SHISA9: variants seen among roughly 807,000 people sequenced by gnomAD.
The protein encoded by SHISA9 is shisa family member 9.
Under a neutral mutation model 38.0 loss-of-function variants are expected in SHISA9, and 13 were observed. The observed-to-expected ratio is 0.34, with a 90% confidence interval of 0.22 to 0.54. The LOEUF is 0.54. Ranked by LOEUF, SHISA9 falls within the 20% of genes least tolerant of loss-of-function variation. SHISA9 has a pLI of 0.91. For synonymous variants in SHISA9, 275 were observed against 242.0 expected, an observed-to-expected ratio of 1.14 and a Z score of -1.27; for missense variants, 538 against 575.8, an observed-to-expected ratio of 0.93 and a Z score of 0.67.
chr16:13,388,263 T>C, the SHISA9 span, among the ~76,000 whole-genome samples: 1 of 151,460 alleles, frequency 6.6e-6, no homozygotes, highest in African/African-American at 2.4e-5. Flanking sequence ...TCTAGCAAAC[T>C]CTCAGAAGGG....
At chr16:13,046,049 A>G (rs1341480973) in intron 2 of SHISA9, among the ~76,000 whole-genome samples, 1 of 152,336 alleles carries the variant, frequency 6.6e-6, no homozygotes, top group Non-Finnish European at 1.5e-5. Context: ...ATGCAATAGC[A>G]TATTAATCAG....
the SHISA9 span, among the ~76,000 whole-genome samples, chr16:13,420,258 A>AAAAAAAAAG: frequency 1.3e-5 from 2 of 149,908 alleles, no homozygotes; most frequent in Non-Finnish European, 3.0e-5. Flanking sequence ...AAAAAAAAAA[A>AAAAAAAAAG]AAAAAAAAAA....
intron 2 of SHISA9, among the ~76,000 whole-genome samples, chr16:12,944,526 G>A (rs2071664401): frequency 6.6e-6 from 1 of 152,100 alleles, no homozygotes; most frequent in South Asian, 2.1e-4. Flanking sequence ...AAAGTCACTG[G>A]TGAATCTTGA....
Position 13,152,144 on chromosome 16 carries a change from A to C in SHISA9, c.692-51250A>C, listed in dbSNP as rs183141560. On this transcript the variant is annotated intron_variant, in intron 2 of 4. Transcript: ENST00000558583. Reference sequence around the variant, plus strand: ...AAATAAATAAAAGGGGCTAGTTCCAACAATGGAACTATAAAAATACCCAGA... The same window carrying C: ...AAATAAATAAAAGGGGCTAGTTCCACCAATGGAACTATAAAAATACCCAGA... 2.6e-5 allele frequency among the ~76,000 whole-genome samples: 4 copies of C among 152,360 alleles called. No homozygotes were observed. In the East Asian group the frequency reaches 7.7e-4, roughly 29 times the overall value.
intron 2 of SHISA9, among the ~76,000 whole-genome samples, chr16:13,033,738 T>G (rs1483297239): frequency 6.6e-6 from 1 of 152,172 alleles, no homozygotes; most frequent in Non-Finnish European, 1.5e-5. Context: ...ACCCAGTAGA[T>G]GTCCATGATA....
chr16:13,118,737 T>TTC (rs2074056369), intron 2 of SHISA9, among the ~76,000 whole-genome samples: 1 of 149,744 alleles, frequency 6.7e-6, no homozygotes, highest in East Asian at 1.9e-4. Context: ...TTTCTTTTTT[T>TTC]TTTTTTTTTG....
At chr16:13,111,419 C>T (rs2073977119) in intron 2 of SHISA9, among the ~76,000 whole-genome samples, 2 of 151,650 alleles carry the variant, frequency 1.3e-5, no homozygotes, top group African/African-American at 4.8e-5. Flanking sequence ...GGCAGACTCC[C>T]TGAGTTCAAA....
chr16:13,071,141 A>G (rs914212239), intron 2 of SHISA9, among the ~76,000 whole-genome samples: 4 of 150,964 alleles, frequency 2.6e-5, no homozygotes, highest in African/African-American at 9.9e-5. Context: ...ATTTAATGAC[A>G]GAGAACCGTG....
At chr16:12,919,058 T>C (rs761514037) in intron 2 of SHISA9, among the ~76,000 whole-genome samples, 3 of 152,156 alleles carry the variant, frequency 2.0e-5, no homozygotes, top group Non-Finnish European at 2.9e-5. Flanking sequence ...CAGAAAAACA[T>C]TTGTATGTTC....
At chr16:13,538,448 T>G in the SHISA9 span, among the ~76,000 whole-genome samples, 1 of 152,184 alleles carries the variant, frequency 6.6e-6, no homozygotes, top group African/African-American at 2.4e-5. Context: ...AAATCACATC[T>G]TAGAGCTTGT....
At chr16:13,234,942 A>C in intron 4 of SHISA9, 88 bp from the exon 5 acceptor site, 2 of 1,428,136 alleles carry the variant, frequency 1.4e-6, no homozygotes, top group Non-Finnish European at 1.9e-6. Context: ...TCTTGGGTTG[A>C]CATGCCAGTC....
In SHISA9 at chr16:13,235,585, G is replaced by A. The variant is rs150971012; in HGVS notation, c.*176G>A. ...GTCGCGCTTTTCCTAGGTCATGCCT[G>A]TAACGTGTCGGCGGGCAGCTGAGAA... On this transcript the variant is annotated 3_prime_UTR_variant, in exon 5 of 5. Coordinates refer to ENST00000558583, the MANE Select transcript of SHISA9 (RefSeq NM_001145204.3). 2,358 of 791,398 alleles carry A rather than the reference G, an allele frequency of 3.0e-3. 24 individuals carry two copies. The highest frequency in any genetic ancestry group is 0.017 in the East Asian group (602 of 36,282). The allele number at this position is 791,398 out of a possible 1,614,324, so 49.0% of individuals were successfully genotyped here. A position where few individuals can be genotyped will look rare whatever the true frequency, so the allele number is the denominator to read the frequency against.
the SHISA9 span, among the ~76,000 whole-genome samples, chr16:13,416,845 AAGAG>A: frequency 3.6e-4 from 54 of 151,112 alleles, no homozygotes; most frequent in South Asian, 8.5e-3. Context: ...GAAAGAAAGA[AAGAG>A]AGGGAAGAAG....
At chr16:13,209,252 C>G (rs1413379460) in intron 3 of SHISA9, among the ~76,000 whole-genome samples, 2 of 152,146 alleles carry the variant, frequency 1.3e-5, no homozygotes, top group African/African-American at 2.4e-5. Flanking sequence ...CGGAGATACG[C>G]TGGTACCTGG....
At chr16:13,367,710 G>GCA in the SHISA9 span, among the ~76,000 whole-genome samples, 957 of 90,528 alleles carry the variant, frequency 0.011, 6 homozygotes, top group Middle Eastern at 0.02. Context: ...GCGCGCGCGC[G>GCA]CGCACACACA....
intron 2 of SHISA9, among the ~76,000 whole-genome samples, chr16:12,945,193 C>T (rs2141765652): frequency 6.6e-6 from 1 of 152,226 alleles, no homozygotes; most frequent in South Asian, 2.1e-4. Flanking sequence ...TTGCAGCTGG[C>T]ACTCTTGAGT....
chr16:12,950,543 A>C (rs1446434760), intron 2 of SHISA9, among the ~76,000 whole-genome samples: 1 of 152,176 alleles, frequency 6.6e-6, no homozygotes, highest in Non-Finnish European at 1.5e-5. Context: ...GTAAATTAGT[A>C]CAGCCGCTGT....
chr16:13,279,388 G>GTA, the SHISA9 span, among the ~76,000 whole-genome samples: 1 of 151,924 alleles, frequency 6.6e-6, no homozygotes, highest in Admixed American at 6.6e-5. Flanking sequence ...GAAATGTTCT[G>GTA]TATATATCTG....
At chr16:13,009,814 A>G (rs1475070562) in intron 2 of SHISA9, among the ~76,000 whole-genome samples, 1 of 152,182 alleles carries the variant, frequency 6.6e-6, no homozygotes, top group Non-Finnish European at 1.5e-5. Flanking sequence ...GGAGGAGGCA[A>G]TTCCCAGCTA....
Sources: gnomAD v4.1 joint callset for allele counts (sites outside exome capture counted in the v4.1 genomes callset) on GRCh38, gnomAD v4.1.1 for gene constraint, MANE v1.5 for transcripts, NCBI Gene and HGNC (gene_info 2026-07-23, HGNC 2026-07-21) for gene names.